Variants in FBXO25 observed in about 807,000 individuals in gnomAD.
FBXO25 encodes the protein F-box protein 25, also known as F-box only protein 25.
Under a neutral mutation model 51.9 loss-of-function variants are expected in FBXO25, and 45 were observed. The observed-to-expected ratio is 0.87, with a 90% CI of 0.68 to 1.11. The LOEUF (loss-of-function observed/expected upper bound fraction) is 1.11, where lower values mean the gene tolerates loss of function less well. FBXO25 is among the 50% of genes most tolerant of loss of function. The pLI is 0.00. For missense variants in FBXO25, 507 were observed against 428.5 expected, an observed-to-expected ratio of 1.18 and a Z score of -1.62; for synonymous variants, 199 against 151.0, an observed-to-expected ratio of 1.32 and a Z score of -2.33.
At chr8:446,031 C>T (rs1798717634) in intron 5 of FBXO25, among the ~76,000 whole-genome samples, 5 of 152,092 alleles carry the variant, frequency 3.3e-5, no homozygotes, top group Admixed American at 3.3e-4. Flanking sequence ...TTGGCACACC[C>T]TCCTGGTGTC....
chr8:439,130 A>T (rs1266560408), intron 5 of FBXO25, among the ~76,000 whole-genome samples: 1 of 152,242 alleles, frequency 6.6e-6, no homozygotes, highest in African/African-American at 2.4e-5. Context: ...TGGAGGAAGT[A>T]GAACTGGGTC....
rs777406076 is a variant in FBXO25, at chr8:435,644, C to T, written c.318C>T (p.Ala106=). The change falls in exon 5 of 10, where the codon GCC becomes GCT. Residue 106 remains alanine (A), a synonymous_variant. Coordinates refer to ENST00000350302, the MANE Select transcript of FBXO25 (RefSeq NM_183420.2). The stretch of plus-strand genomic sequence containing the variant: ...ATGGCTATTGCACCTTGGGAGAAGC[C>T]TTTAATCGGTTAGACTTCTCAAGTG... ...ERHGYCTLGE[A]FNRLDFSSAI... The T allele has an allele frequency of 2.9e-5, 46 of 1,606,058 alleles. No individual in the cohort carries two copies. Among genetic ancestry groups the T allele is most frequent in the Non-Finnish European group, 3.6e-5 (42 of 1,178,672 alleles).
At chr8:460,554 A>C (rs1412302366) in intron 8 of FBXO25, among the ~76,000 whole-genome samples, 1 of 152,246 alleles carries the variant, frequency 6.6e-6, no homozygotes, top group Non-Finnish European at 1.5e-5. Flanking sequence ...GACTGGTTCA[A>C]GATAATATGG....
chr8:477,236 G>A lies in FBXO25; in HGVS notation c.*8432G>A, dbSNP rs146572298. The A allele has an allele frequency of 3.3e-5, 5 of 152,322 alleles. No individual in the cohort carries two copies. Among genetic ancestry groups the A allele is most frequent in the Non-Finnish European group, 4.4e-5 (3 of 68,038 alleles). The allele number at this position is 152,322 out of a possible 1,614,324, so 9.4% of individuals were successfully genotyped here. ...CCTAGAGAAAGGTCCATTTGCACTTGAGAAAAACGTGTGTACTGCTGTTGT... is the reference window on the plus strand; with the variant it reads ...CCTAGAGAAAGGTCCATTTGCACTTAAGAAAAACGTGTGTACTGCTGTTGT... On this transcript the variant is annotated 3_prime_UTR_variant, in exon 10 of 10. Coordinates refer to ENST00000350302, the MANE Select transcript of FBXO25 (RefSeq NM_183420.2).
chr8:442,287 A>ATT (rs57747775), intron 5 of FBXO25, among the ~76,000 whole-genome samples: 2,487 of 149,064 alleles, frequency 0.017, 65 homozygotes, highest in African/African-American at 0.057. Context: ...TACTCCAATT[A>ATT]TTTTTTTTTT....
In FBXO25 at chr8:477,289, T is replaced by C. The variant is rs1186078106; in HGVS notation, c.*8485T>C. On this transcript the variant is annotated 3_prime_UTR_variant, in exon 10 of 10. Transcript: ENST00000350302. ...CTGTTAGGTCCAGCTGGTATGATGC[T>C]GTTCAAGTTCTGTCTTGCGACTGAT... 1 of 152,282 alleles carries C rather than the reference T, an allele frequency of 6.6e-6. No homozygotes were observed. The highest frequency in any genetic ancestry group is 1.5e-5 in the Non-Finnish European group (1 of 68,078). The allele number at this position is 152,282 out of a possible 1,614,324, so 9.4% of individuals were successfully genotyped here.
intron 2 of FBXO25, among the ~76,000 whole-genome samples, chr8:421,115 G>A (rs1317525605): frequency 2.0e-5 from 3 of 152,218 alleles, no homozygotes; most frequent in Non-Finnish European, 2.9e-5. Context: ...CCTGAGCTCT[G>A]CCTCCTGTCA....
In FBXO25 at chr8:413,198, A is replaced by T. The variant is rs1330545491; in HGVS notation, c.119A>T (p.Asn40Ile). The change falls in exon 2 of 10, where the codon AAC becomes ATC. Residue 40 changes from asparagine to isoleucine, a missense_variant. Asn to Ile is a moderately radical substitution (Grantham distance 149). Transcript: ENST00000350302. ...QKLERENNRC[N>I]ISHSIILNSE... ...CTTGAAAGAGAGAATAACCGTTGTA[A>T]CATCAGTCACAGCATGTAAGTTACA... The T allele has an allele frequency of 1.3e-6, 2 of 1,598,336 alleles. No individual in the cohort carries two copies.
rs1800420059 is a variant in FBXO25 at position 469,846 on chromosome 8, T to C, written c.*1042T>C. The stretch of plus-strand genomic sequence containing the variant: ...TTTCTACTTTTTCCTTTAAGCATAA[T>C]AATAAAAGTATACTTTTATGGCGTT... On this transcript the variant is annotated 3_prime_UTR_variant, in exon 10 of 10. Transcript: ENST00000350302. 1 of 152,078 alleles carries C rather than the reference T, an allele frequency of 6.6e-6. No individual in the cohort carries two copies. The highest frequency in any genetic ancestry group is 1.5e-5 in the Non-Finnish European group (1 of 68,004). The allele number at this position is 152,078 out of a possible 1,614,324, so 9.4% of individuals were successfully genotyped here.
chr8:448,755 T>G (rs1318812695), intron 5 of FBXO25, among the ~76,000 whole-genome samples: 1 of 152,170 alleles, frequency 6.6e-6, no homozygotes, highest in East Asian at 1.9e-4. Flanking sequence ...ACTAAGATGT[T>G]ATTCACTAAA....
chr8:414,305 T>G (rs1796664201), intron 2 of FBXO25, among the ~76,000 whole-genome samples: 1 of 152,260 alleles, frequency 6.6e-6, no homozygotes, highest in South Asian at 2.1e-4. Flanking sequence ...CAGTTATGAA[T>G]TTTCTAGGTC....
chr8:468,750 C>T lies in FBXO25; in HGVS notation c.1023C>T (p.Asp341=), dbSNP rs779711503. Residue 341 remains aspartate, a synonymous_variant, in exon 10 of 10, where the codon GAC becomes GAT. Coordinates refer to ENST00000350302, the MANE Select transcript of FBXO25 (RefSeq NM_183420.2). ...SGHPCTAADP[D]SCFTPVSPQH... ...ACCCCTGCACGGCGGCCGACCCTGA[C>T]AGCTGCTTCACGCCTGTGTCTCCGC... 1.2e-6 allele frequency: 2 copies of T among 1,613,970 alleles called. No homozygotes were observed. Among genetic ancestry groups the T allele is most frequent in the Admixed American group, 1.7e-5 (1 of 60,000 alleles).
intron 8 of FBXO25, among the ~76,000 whole-genome samples, chr8:460,169 C>A (rs1310665191): frequency 3.9e-5 from 6 of 152,090 alleles, no homozygotes; most frequent in Non-Finnish European, 7.4e-5. Context: ...CCGAGCTGTT[C>A]CCAAAAGGCG....
chr8:452,573 G>C (rs931529728), intron 7 of FBXO25, among the ~76,000 whole-genome samples: 5 of 152,218 alleles, frequency 3.3e-5, no homozygotes, highest in African/African-American at 1.2e-4. Context: ...TGTTCAGCAG[G>C]TGACCTTCTG....
intron 9 of FBXO25, chr8:468,162 A>G (rs1800308611): frequency 2.0e-6 from 2 of 1,023,144 alleles, no homozygotes; most frequent in Non-Finnish European, 2.3e-6. Context: ...CATATTAAAT[A>G]TAATTCTGGA....
At chr8:467,930 T>G in intron 9 of FBXO25, 1 of 1,439,094 alleles carries the variant, frequency 6.9e-7, no homozygotes, top group South Asian at 1.4e-5. Context: ...AGGACGAGAG[T>G]GTTGATGAAA....
At chr8:422,312 C>G (rs748081284) in intron 2 of FBXO25, among the ~76,000 whole-genome samples, 10 of 152,206 alleles carry the variant, frequency 6.6e-5, no homozygotes, top group Non-Finnish European at 1.0e-4. Flanking sequence ...GTGGTTTTCC[C>G]TAAGCTGAAT....
At chr8:457,866 A>T (rs1006327497) in intron 7 of FBXO25, among the ~76,000 whole-genome samples, 4 of 152,182 alleles carry the variant, frequency 2.6e-5, no homozygotes, top group Non-Finnish European at 5.9e-5. Flanking sequence ...TTTGCAGACG[A>T]TGTGGTCAAC....
rs202208815 is a variant in FBXO25 at position 462,991 on chromosome 8, A to G, written c.844-16A>G. ...GTCATCTTATGCGGATTCTGAATGG[A>G]GTTTTGTTTGTTTAGTTTTGTAGAC... is the stretch of plus-strand genomic sequence containing the variant. On this transcript the variant is annotated splice_polypyrimidine_tract_variant and intron_variant, in intron 8 of 9. Coordinates refer to ENST00000350302, the MANE Select transcript of FBXO25 (RefSeq NM_183420.2). The G allele has an allele frequency of 1.3e-6, 2 of 1,596,474 alleles. No homozygotes were observed. The highest frequency in any genetic ancestry group is 3.6e-5 in the Admixed American group (2 of 54,950).
Sources: gnomAD v4.1 joint callset for allele counts (sites outside exome capture counted in the v4.1 genomes callset) on GRCh38, gnomAD v4.1.1 for gene constraint, MANE v1.5 for transcripts, NCBI Gene and HGNC (gene_info 2026-07-23, HGNC 2026-07-21) for gene names.